Variants in MAF observed in about 807,000 individuals in gnomAD.
MAF encodes the protein transcription factor Maf.
A neutral mutation model predicts 22.0 loss-of-function variants in MAF; 10 were observed. That is an observed-to-expected ratio of 0.45 (90% CI 0.28 to 0.77). MAF has a LOEUF of 0.77. Ranked by LOEUF, MAF falls within the 30% of genes least tolerant of loss-of-function variation. The pLI, the probability that MAF is intolerant of heterozygous loss-of-function variation, is 0.12. For synonymous variants in MAF, 337 were observed against 255.8 expected, an observed-to-expected ratio of 1.32 and a Z score of -3.03; for missense variants, 544 against 548.4, an observed-to-expected ratio of 0.99 and a Z score of 0.08.
chr16:79,413,100 C>G, the MAF span, among the ~76,000 whole-genome samples: 1 of 151,906 alleles, frequency 6.6e-6, no homozygotes, highest in Non-Finnish European at 1.5e-5. Context: ...TTCTCATAAA[C>G]TCATACATAC....
the MAF span, among the ~76,000 whole-genome samples, chr16:79,399,343 A>G: frequency 6.6e-6 from 1 of 152,160 alleles, no homozygotes. Flanking sequence ...TTATATCATC[A>G]TCATCATCAC....
chr16:79,448,532 T>C, the MAF span, among the ~76,000 whole-genome samples: 3 of 152,024 alleles, frequency 2.0e-5, no homozygotes, highest in African/African-American at 2.4e-5. Flanking sequence ...TCCAGGCAAT[T>C]ATCCTGTCTC....
At chr16:79,471,388 T>C in the MAF span, among the ~76,000 whole-genome samples, 1 of 152,240 alleles carries the variant, frequency 6.6e-6, no homozygotes, top group Non-Finnish European at 1.5e-5. Flanking sequence ...CAGAGCACAA[T>C]GGCTCATGCC....
the MAF span, among the ~76,000 whole-genome samples, chr16:79,278,665 C>T: frequency 1.3e-5 from 2 of 151,704 alleles, no homozygotes; most frequent in East Asian, 1.9e-4. Context: ...TTTGGGGTTT[C>T]GTGGGTAGAA....
chr16:79,384,315 G>T, the MAF span, among the ~76,000 whole-genome samples: 1 of 151,950 alleles, frequency 6.6e-6, no homozygotes, highest in Non-Finnish European at 1.5e-5. Flanking sequence ...TGTGGTGGTG[G>T]ACACCTGTAA....
At chr16:79,225,422 T>A in the MAF span, among the ~76,000 whole-genome samples, 2 of 152,070 alleles carry the variant, frequency 1.3e-5, no homozygotes, top group Admixed American at 1.3e-4. Context: ...GAAGAAAACC[T>A]AGGCAACACC....
At chr16:79,294,216 C>T in the MAF span, among the ~76,000 whole-genome samples, 1 of 152,224 alleles carries the variant, frequency 6.6e-6, no homozygotes, top group Non-Finnish European at 1.5e-5. Flanking sequence ...CTGAGTCATG[C>T]AATCCTTCCC....
chr16:79,456,935 T>TAC, the MAF span, among the ~76,000 whole-genome samples: 28,359 of 150,028 alleles, frequency 0.19, 3,104 homozygotes, highest in African/African-American at 0.3. Flanking sequence ...GCCATGTTTT[T>TAC]ACACACACAC....
chr16:79,552,585 C>A, the MAF span, among the ~76,000 whole-genome samples: 1 of 152,186 alleles, frequency 6.6e-6, no homozygotes, highest in Non-Finnish European at 1.5e-5. Flanking sequence ...AGTCTCACTT[C>A]TTTTGTAACA....
chr16:79,238,797 G>T, the MAF span, among the ~76,000 whole-genome samples: 1 of 151,848 alleles, frequency 6.6e-6, no homozygotes, highest in African/African-American at 2.4e-5. Flanking sequence ...TGCTAAATCT[G>T]GTCACCTAGG....
chr16:79,337,925 G>T, the MAF span, among the ~76,000 whole-genome samples: 9 of 152,164 alleles, frequency 5.9e-5, no homozygotes, highest in Admixed American at 5.2e-4. Context: ...TCTGATGCCT[G>T]TCTTGTAGCT....
intron 1 of MAF, chr16:79,595,921 A>G: frequency 9.4e-7 from 1 of 1,059,826 alleles, no homozygotes; most frequent in South Asian, 4.6e-5. Context: ...CTTCAGTGTT[A>G]AAGAGAAAAG....
the MAF span, among the ~76,000 whole-genome samples, chr16:79,516,651 G>A: frequency 6.6e-6 from 1 of 152,186 alleles, no homozygotes; most frequent in Non-Finnish European, 1.5e-5. Context: ...ATGTGCTCAT[G>A]GAATGTGTCT....
chr16:79,484,455 C>T, the MAF span, among the ~76,000 whole-genome samples: 3 of 152,332 alleles, frequency 2.0e-5, no homozygotes, highest in South Asian at 4.1e-4. Flanking sequence ...GCCACAGACA[C>T]GTCCACCGGG....
At chr16:79,234,474 A>C in the MAF span, among the ~76,000 whole-genome samples, 1 of 152,118 alleles carries the variant, frequency 6.6e-6, no homozygotes, top group African/African-American at 2.4e-5. Context: ...GTTGTAAAAT[A>C]GTGTATTATT....
chr16:79,381,220 T>A, the MAF span, among the ~76,000 whole-genome samples: 2 of 152,268 alleles, frequency 1.3e-5, no homozygotes, highest in Non-Finnish European at 1.5e-5. Flanking sequence ...ATTAACAGTA[T>A]CTCTCTTCTT....
chr16:79,207,561 T>C, the MAF span, among the ~76,000 whole-genome samples: 1 of 152,256 alleles, frequency 6.6e-6, no homozygotes, highest in Non-Finnish European at 1.5e-5. Context: ...TCTTAGAACA[T>C]CTACTCTCTC....
At chr16:79,438,929 C>T in the MAF span, among the ~76,000 whole-genome samples, 1 of 152,112 alleles carries the variant, frequency 6.6e-6, no homozygotes, top group Non-Finnish European at 1.5e-5. Context: ...AATTATTGTC[C>T]TCATCATGTG....
the MAF span, among the ~76,000 whole-genome samples, chr16:79,476,968 C>T: frequency 7.2e-5 from 11 of 152,128 alleles, no homozygotes; most frequent in African/African-American, 2.4e-4. Flanking sequence ...TTCTGGGCAT[C>T]TTGCTCCAGA....
Sources: gnomAD v4.1 joint callset for allele counts (sites outside exome capture counted in the v4.1 genomes callset) on GRCh38, gnomAD v4.1.1 for gene constraint, MANE v1.5 for transcripts, NCBI Gene and HGNC (gene_info 2026-07-23, HGNC 2026-07-21) for gene names.